SEMA6D: variants seen among roughly 807,000 people sequenced by gnomAD.
SEMA6D encodes the protein semaphorin-6D.
Under a neutral mutation model 106.6 loss-of-function variants are expected in SEMA6D, and 35 were observed. That is an observed-to-expected ratio of 0.33 (90% CI 0.25 to 0.44). SEMA6D has a LOEUF of 0.44. Ranked by LOEUF, SEMA6D falls within the 20% of genes least tolerant of loss-of-function variation. SEMA6D has a pLI of 1.00. For missense variants in SEMA6D, 1,185 were observed against 1,345.9 expected (o/e 0.88, Z 1.87); for synonymous variants, 499 against 487.7 (o/e 1.02, Z -0.31).
intron 1 of SEMA6D, among the ~76,000 whole-genome samples, chr15:47,304,092 A>G (rs2036130018): frequency 1.3e-5 from 2 of 152,172 alleles, no homozygotes; most frequent in African/African-American, 4.8e-5. Flanking sequence ...ACCATTATGC[A>G]TACATTTTTT....
At chr15:47,524,635 C>T (rs947638625) in intron 3 of SEMA6D, among the ~76,000 whole-genome samples, 10 of 152,012 alleles carry the variant, frequency 6.6e-5, no homozygotes, top group Admixed American at 5.2e-4. Context: ...GGTGTGATCT[C>T]GTTAGAGGGA....
intron 1 of SEMA6D, among the ~76,000 whole-genome samples, chr15:47,385,780 A>G (rs2039816398): frequency 6.6e-6 from 1 of 152,328 alleles, no homozygotes; most frequent in South Asian, 2.1e-4. Context: ...ATCTGCTCCA[A>G]CCAGGCATAA....
intron 3 of SEMA6D, among the ~76,000 whole-genome samples, chr15:47,544,617 A>T (rs1421357579): frequency 1.3e-5 from 2 of 152,094 alleles, no homozygotes; most frequent in African/African-American, 4.8e-5. Context: ...TCCTGGGAAA[A>T]TGGAACTCAG....
Position 47,574,080 on chromosome 15 carries a change from T to C in SEMA6D, c.-86-26785T>C, listed in dbSNP as rs138959022. Among the ~76,000 whole-genome samples the C allele has an allele frequency of 4.3e-4, 66 of 152,352 alleles. 1 individual carries two copies. The Middle Eastern group carries it at 0.017, about 39-fold the overall frequency. On this transcript the variant is annotated intron_variant, in intron 3 of 19. Coordinates refer to the SEMA6D transcript ENST00000558014. Reference sequence around the variant, plus strand: ...AGGATCCAGGCAAGAACTTCTTCTCTGATGTGAAGCCAACTGGGTTTCAAC... The same window carrying C: ...AGGATCCAGGCAAGAACTTCTTCTCCGATGTGAAGCCAACTGGGTTTCAAC...
chr15:47,558,980 T>C (rs1193995435), intron 3 of SEMA6D, among the ~76,000 whole-genome samples: 1 of 152,054 alleles, frequency 6.6e-6, no homozygotes, highest in Non-Finnish European at 1.5e-5. Flanking sequence ...AGGGAAAAGA[T>C]ACAACATTCT....
At chr15:47,354,304 TATATATATATATATACACACATGC>T (rs2038467760) in intron 1 of SEMA6D, among the ~76,000 whole-genome samples, 1 of 42,558 alleles carries the variant, frequency 2.3e-5, no homozygotes, top group Non-Finnish European at 3.7e-5. Context: ...AGAGAGAGCT[TATATATATATATATACACACATGC>T]ATATATATGG....
At chr15:47,356,999 C>T (rs1166255657) in intron 1 of SEMA6D, among the ~76,000 whole-genome samples, 1 of 151,964 alleles carries the variant, frequency 6.6e-6, no homozygotes, top group Admixed American at 6.6e-5. Flanking sequence ...TCTTCAATTC[C>T]TCTCTATTTG....
chr15:47,352,665 T>C (rs1028724531), intron 1 of SEMA6D, among the ~76,000 whole-genome samples: 3 of 152,222 alleles, frequency 2.0e-5, no homozygotes, highest in African/African-American at 4.8e-5. Context: ...TAGAATTCTT[T>C]TAGCCACCTC....
chr15:47,671,590 G>A (rs976804143), intron 4 of SEMA6D, among the ~76,000 whole-genome samples: 2 of 152,114 alleles, frequency 1.3e-5, no homozygotes, highest in Admixed American at 6.6e-5. Flanking sequence ...AGTTGATAAG[G>A]AATCTGGACA....
intron 3 of SEMA6D, among the ~76,000 whole-genome samples, chr15:47,526,158 C>G (rs2044748318): frequency 6.6e-6 from 1 of 152,128 alleles, no homozygotes; most frequent in Non-Finnish European, 1.5e-5. Flanking sequence ...TGCTTCCTTC[C>G]CTGCTACCAG....
intron 1 of SEMA6D, among the ~76,000 whole-genome samples, chr15:47,251,915 T>TATTGAGTGTTGGGA (rs1450611549): frequency 2.3e-5 from 3 of 130,006 alleles, no homozygotes; most frequent in East Asian, 2.2e-4. Context: ...GGATTTTTTT[T>TATTGAGTGTTGGGA]TTTTTTTTTT....
At chr15:47,607,746 TA>T (rs2076811860) in intron 4 of SEMA6D, among the ~76,000 whole-genome samples, 1 of 152,234 alleles carries the variant, frequency 6.6e-6, no homozygotes, top group Non-Finnish European at 1.5e-5. Context: ...GTAGCCCATT[TA>T]CATTGTACTC....
At chr15:47,671,869 ACAT>A (rs1381808722) in intron 4 of SEMA6D, among the ~76,000 whole-genome samples, 1 of 152,152 alleles carries the variant, frequency 6.6e-6, no homozygotes, top group Non-Finnish European at 1.5e-5. Flanking sequence ...GGAAGTAAGG[ACAT>A]TCTGCTTTGT....
intron 1 of SEMA6D, among the ~76,000 whole-genome samples, chr15:47,308,898 A>C (rs562794709): frequency 1.3e-5 from 2 of 152,140 alleles, no homozygotes; most frequent in South Asian, 2.1e-4. Flanking sequence ...GAACATTTTT[A>C]TTTTCTTTTC....
At position 47,499,926 on chromosome 15, in the gene SEMA6D, G is replaced by A. The variant is rs565979327; in HGVS notation, c.-87+29381G>A. On this transcript the variant is annotated intron_variant, in intron 3 of 19. Transcript: ENST00000558014. ...GGCAATACCAGTACTCCTACCCATGGAGGTTCTTGACATTATCATGGCTAC... is the reference window on the plus strand; with the variant it reads ...GGCAATACCAGTACTCCTACCCATGAAGGTTCTTGACATTATCATGGCTAC... Among the ~76,000 whole-genome samples, 7 of 129,332 alleles carry A rather than the reference G, an allele frequency of 5.4e-5. No homozygotes were observed. In the South Asian group the frequency reaches 1.3e-3, roughly 23 times the overall value. The allele number at this position is 129,332 out of a possible 152,430, so 84.8% of individuals were successfully genotyped here.
chr15:47,489,233 C>T (rs534947789), intron 3 of SEMA6D, among the ~76,000 whole-genome samples: 1 of 152,250 alleles, frequency 6.6e-6, no homozygotes, highest in Non-Finnish European at 1.5e-5. Flanking sequence ...CTGGAAGGGA[C>T]AAGGACAAAT....
intron 3 of SEMA6D, among the ~76,000 whole-genome samples, chr15:47,536,517 G>A (rs529096915): frequency 9.2e-5 from 14 of 152,174 alleles, no homozygotes; most frequent in Non-Finnish European, 2.1e-4. Context: ...GACTCAGACC[G>A]ATTGAGTCTT....
intron 1 of SEMA6D, among the ~76,000 whole-genome samples, chr15:47,392,368 C>G (rs2040065180): frequency 1.3e-5 from 2 of 152,110 alleles, no homozygotes; most frequent in Admixed American, 1.3e-4. Context: ...ATTGAGGATC[C>G]TGAGGTAGGG....
chr15:47,267,560 A>G lies in SEMA6D; in HGVS notation c.-239+83142A>G, dbSNP rs570608521. Among the ~76,000 whole-genome samples, 24 of 152,258 alleles carry G rather than the reference A, an allele frequency of 1.6e-4. No individual in the cohort carries two copies. In the South Asian group the frequency reaches 5.0e-3, roughly 32 times the overall value. ...TTTAATTTTTAGATACCAGTTATCC[A>G]GATTGAATTATCTGTATTCTTTGTA... On this transcript the variant is annotated intron_variant, in intron 1 of 19. Coordinates refer to the SEMA6D transcript ENST00000558014.
Sources: gnomAD v4.1 joint callset for allele counts (sites outside exome capture counted in the v4.1 genomes callset) on GRCh38, gnomAD v4.1.1 for gene constraint, MANE v1.5 for transcripts, NCBI Gene and HGNC (gene_info 2026-07-23, HGNC 2026-07-21) for gene names.